TULP3: variants seen among roughly 807,000 people sequenced by gnomAD.
TULP3 encodes TUB like protein 3, also known as tubby-related protein 3.
TULP3 carries 38 observed loss-of-function variants against 50.7 expected under a neutral mutation model. The ratio of observed to expected loss-of-function variants is 0.75; its 90% confidence interval spans 0.58 to 0.98. TULP3 has a LOEUF of 0.98. Ranked by LOEUF, TULP3 falls within the 50% of genes least tolerant of loss-of-function variation. The pLI is 0.00. For synonymous variants in TULP3, 183 were observed against 196.6 expected (o/e 0.93, Z 0.58); for missense variants, 550 against 568.0 (o/e 0.97, Z 0.32).
intron 3 of TULP3, 130 bp from the exon 4 acceptor site, chr12:2,922,132 T>C (rs780178251): frequency 1.4e-5 from 15 of 1,110,874 alleles, no homozygotes; most frequent in Non-Finnish European, 1.8e-5. Context: ...AATGTTCTTA[T>C]GGATGTTAAG....
At chr12:2,892,605 G>A (rs1393765069) in intron 1 of TULP3, among the ~76,000 whole-genome samples, 2 of 151,920 alleles carry the variant, frequency 1.3e-5, no homozygotes, top group African/African-American at 4.8e-5. Flanking sequence ...TCCGCTTCCC[G>A]GGTTCAAGTG....
chr12:2,940,406 C>T lies in TULP3; in HGVS notation c.*962C>T. 1.4e-6 allele frequency: 2 copies of T among 1,456,948 alleles called. No individual in the cohort carries two copies. The highest frequency in any genetic ancestry group is 1.4e-5 in the African/African-American group (1 of 70,186). The allele number at this position is 1,456,948 out of a possible 1,614,324, so 90.3% of individuals were successfully genotyped here. The stretch of plus-strand genomic sequence containing the variant: ...AGCACTGCTGGCCCGTGTGGCAGAG[C>T]TGTGGACTTTCTTCTCGGCTCCCTC... On this transcript the variant is annotated 3_prime_UTR_variant, in exon 11 of 11. Transcript: ENST00000448120.
chr12:2,931,856 T>C (rs956039953), intron 6 of TULP3, among the ~76,000 whole-genome samples: 1 of 152,156 alleles, frequency 6.6e-6, no homozygotes, highest in Non-Finnish European at 1.5e-5. Flanking sequence ...TATATATCTA[T>C]ATATATTATC....
Position 2,938,248 on chromosome 12 carries a change from G to T in TULP3, c.1158G>T (p.Ala386=), listed in dbSNP as rs144881422. 3 of 1,614,116 alleles carry T rather than the reference G, an allele frequency of 1.9e-6. No homozygotes were observed. The highest frequency in any genetic ancestry group is 2.2e-5 in the South Asian group (2 of 91,080). ...ACTTCCGTGGCCGGGTCACTCAGGCGTCTGTGAAGAACTTCCAGATAGTCC... is the reference window on the plus strand; with the variant it reads ...ACTTCCGTGGCCGGGTCACTCAGGCTTCTGTGAAGAACTTCCAGATAGTCC... The part of the protein sequence containing the change: ...VLNFRGRVTQ[A]SVKNFQIVHK... Residue 386 remains alanine (A), a synonymous_variant, in exon 10 of 11, where the codon GCG becomes GCT. Transcript: ENST00000448120.
At chr12:2,913,978 A>G (rs1219778198) in intron 2 of TULP3, among the ~76,000 whole-genome samples, 1 of 152,218 alleles carries the variant, frequency 6.6e-6, no homozygotes, top group Non-Finnish European at 1.5e-5. Context: ...GATATTTGAT[A>G]TTTGATACAT....
chr12:2,925,023 C>T (rs2098193911), intron 4 of TULP3, among the ~76,000 whole-genome samples: 1 of 151,966 alleles, frequency 6.6e-6, no homozygotes, highest in African/African-American at 2.4e-5. Context: ...TAAAAATTAG[C>T]CAGGTGTGGT....
intron 2 of TULP3, among the ~76,000 whole-genome samples, chr12:2,913,529 G>T (rs546390682): frequency 6.6e-6 from 1 of 152,066 alleles, no homozygotes; most frequent in Non-Finnish European, 1.5e-5. Flanking sequence ...CTCCCAAAGT[G>T]CTAGGATTAT....
At chr12:2,921,683 A>G (rs1352190095) in intron 3 of TULP3, among the ~76,000 whole-genome samples, 1 of 152,186 alleles carries the variant, frequency 6.6e-6, no homozygotes, top group Non-Finnish European at 1.5e-5. Flanking sequence ...TGTACTATGG[A>G]GGACCTACTT....
In TULP3 at chr12:2,939,595, C is replaced by T; in HGVS notation, c.*151C>T. The stretch of plus-strand genomic sequence containing the variant: ...ATATATAAAACACACACACAAAGAG[C>T]AATAGTTTGCCCCTTTTGGAACGAC... On this transcript the variant is annotated 3_prime_UTR_variant, in exon 11 of 11. Transcript: ENST00000448120. The surrounding 1 kb of genome is among the most constrained non-coding windows in gnomAD (Gnocchi z 4.0). 2 of 1,223,362 alleles carry T rather than the reference C, an allele frequency of 1.6e-6. No homozygotes were observed. Among genetic ancestry groups the T allele is most frequent in the Non-Finnish European group, 1.1e-6 (1 of 911,444 alleles). The allele number at this position is 1,223,362 out of a possible 1,614,324, so 75.8% of individuals were successfully genotyped here. A position where few individuals can be genotyped will look rare whatever the true frequency, so the allele number is the denominator to read the frequency against.
chr12:2,896,480 A>G (rs1438299556), intron 1 of TULP3, among the ~76,000 whole-genome samples: 1 of 152,216 alleles, frequency 6.6e-6, no homozygotes, highest in East Asian at 1.9e-4. Flanking sequence ...GTGGTTTAAC[A>G]CATTCAGGTA....
chr12:2,938,613 A>G (rs755887586), intron 10 of TULP3, among the ~76,000 whole-genome samples: 3 of 151,308 alleles, frequency 2.0e-5, no homozygotes, highest in Non-Finnish European at 4.4e-5. Flanking sequence ...GTGAAACCCC[A>G]TCTCTACAAA....
At chr12:2,906,291 A>G (rs1046377371) in intron 1 of TULP3, among the ~76,000 whole-genome samples, 1 of 151,102 alleles carries the variant, frequency 6.6e-6, no homozygotes, top group African/African-American at 2.4e-5. Flanking sequence ...CGGCCTCCAA[A>G]AGTGCTGGGA....
intron 5 of TULP3, 42 bp from the exon 6 acceptor site, chr12:2,930,995 G>A (rs1347397004): frequency 1.2e-6 from 2 of 1,606,434 alleles, no homozygotes; most frequent in African/African-American, 1.3e-5. Flanking sequence ...ATCAGATTTT[G>A]AGTCTCGGCC....
chr12:2,930,199 CT>C, intron 4 of TULP3, 48 bp from the exon 5 acceptor site: 9 of 1,291,490 alleles, frequency 7.0e-6, no homozygotes, highest in South Asian at 2.7e-5. Context: ...TTTCAAAGAC[CT>C]TTTTTAAACA....
intron 1 of TULP3, among the ~76,000 whole-genome samples, chr12:2,901,312 C>CTTTTTT (rs371069831): frequency 2.9e-5 from 3 of 104,126 alleles, no homozygotes; most frequent in African/African-American, 7.9e-5. Context: ...TTCTTTCTTT[C>CTTTTTT]TTTTTTTTTT....
intron 1 of TULP3, among the ~76,000 whole-genome samples, chr12:2,907,135 C>T (rs976908220): frequency 2.0e-5 from 3 of 151,224 alleles, no homozygotes; most frequent in Admixed American, 1.3e-4. Context: ...GTCAGGAGTT[C>T]AAGACCAGCC....
intron 9 of TULP3, 36 bp from the exon 10 acceptor site, chr12:2,938,077 GT>G: frequency 6.2e-7 from 1 of 1,610,260 alleles, no homozygotes. Flanking sequence ...TAGAGTTGGA[GT>G]TCTCAGTACA....
At chr12:2,899,345 CA>C (rs55818833) in intron 1 of TULP3, among the ~76,000 whole-genome samples, 82 of 82,824 alleles carry the variant, frequency 9.9e-4, no homozygotes, top group East Asian at 3.5e-3. Flanking sequence ...AACGACGTCT[CA>C]AAAAAAAAAA....
intron 1 of TULP3, among the ~76,000 whole-genome samples, chr12:2,891,299 G>C (rs1021937385): frequency 6.6e-6 from 1 of 152,120 alleles, no homozygotes; most frequent in Non-Finnish European, 1.5e-5. Flanking sequence ...GGTTTCCCTC[G>C]GGGGAGAGGC....
Sources: gnomAD v4.1 joint callset for allele counts (sites outside exome capture counted in the v4.1 genomes callset) on GRCh38, gnomAD v4.1.1 for gene constraint, Gnocchi (gnomAD v3.1) non-coding constraint, MANE v1.5 for transcripts, NCBI Gene and HGNC (gene_info 2026-07-23, HGNC 2026-07-21) for gene names.